The following SENP7 variants were observed in gnomAD, a reference collection of about 807,000 sequenced individuals.
SENP7 encodes the protein SUMO specific peptidase 7.
A neutral mutation model predicts 141.2 loss-of-function variants in SENP7; 64 were observed. The ratio of observed to expected loss-of-function variants is 0.45; its 90% CI spans 0.37 to 0.56. SENP7 has a LOEUF of 0.56. Ranked by LOEUF, SENP7 falls within the 20% of genes least tolerant of loss-of-function variation. The pLI, the probability that SENP7 is intolerant of heterozygous loss-of-function variation, is 0.00. For synonymous variants in SENP7, 382 were observed against 426.4 expected (o/e 0.90, Z 1.28); for missense variants, 1,025 against 1,212.2 (o/e 0.85, Z 2.29).
rs2058886563 is a variant in SENP7 at position 101,325,882 on chromosome 3, T to A, written c.*61A>T. Reference sequence around the variant, plus strand: ...TTCTCTGTGAGCTGGCTAACACAAATGCTGGTAAGAGGCTTTCCAGTAATC... The same window carrying A: ...TTCTCTGTGAGCTGGCTAACACAAAAGCTGGTAAGAGGCTTTCCAGTAATC... On this transcript the variant is annotated 3_prime_UTR_variant, in exon 24 of 24. Transcript: ENST00000394095. 6.8e-7 allele frequency: 1 copy of A among 1,475,002 alleles called. No individual in the cohort carries two copies. Among genetic ancestry groups the A allele is most frequent in the African/African-American group, 1.4e-5 (1 of 69,624 alleles). 91.4% of individuals were successfully genotyped at this position (1,475,002 alleles called of 1,614,324 possible). A position where few individuals can be genotyped will look rare whatever the true frequency, so the allele number is the denominator to read the frequency against.
intron 2 of SENP7, among the ~76,000 whole-genome samples, chr3:101,498,101 T>C (rs569819904): frequency 1.3e-5 from 2 of 152,252 alleles, no homozygotes; most frequent in African/African-American, 2.4e-5. Flanking sequence ...TGGCCCCTTA[T>C]AGAAGAATTT....
rs748121573 is a variant in SENP7 at position 101,367,853 on chromosome 3, A to G, written c.955T>C (p.Leu319=). Reference sequence around the variant, plus strand: ...ACTGTCTGTTCTGTTGACTTATCCAAAGAAGTACAATATTGAGAATCAGGT... The same window carrying G: ...ACTGTCTGTTCTGTTGACTTATCCAGAGAAGTACAATATTGAGAATCAGGT... ...NLPDSQYCTS[L]DKSTEQTKKQ... The change falls in exon 8 of 24, where the codon TTG becomes CTG. Residue 319 remains leucine (L), a synonymous_variant. Transcript: ENST00000394095. 1.2e-6 allele frequency: 2 copies of G among 1,603,480 alleles called. No homozygotes were observed. Among genetic ancestry groups the G allele is most frequent in the Non-Finnish European group, 1.7e-6 (2 of 1,171,746 alleles).
intron 1 of SENP7, among the ~76,000 whole-genome samples, chr3:101,508,578 G>GA (rs1208089891): frequency 2.0e-5 from 3 of 152,214 alleles, no homozygotes; most frequent in African/African-American, 7.2e-5. Context: ...CAGCCTGGGG[G>GA]GCAGAGTGAG....
At chr3:101,358,006 AC>A in intron 11 of SENP7, 1 of 618,692 alleles carries the variant, frequency 1.6e-6, no homozygotes, top group Non-Finnish European at 2.7e-6. Flanking sequence ...TTGGAGAGAA[AC>A]CATACAAGTG....
intron 4 of SENP7, among the ~76,000 whole-genome samples, chr3:101,434,912 T>A (rs950996950): frequency 6.6e-6 from 1 of 151,994 alleles, no homozygotes; most frequent in South Asian, 2.1e-4. Flanking sequence ...ACTTCCAAAC[T>A]CATTCTACAA....
rs2059219190 is a variant in SENP7, at chr3:101,337,587, C to T, written c.2402G>A (p.Ser801Asn). ...EKASDELVER[S>N]HIFSSFFYKC... ...ATAGAAAAAGCTACTAAAAATGTGA[C>T]TTCGTTCAACAAGTTCATCTGATGC... is the stretch of plus-strand genomic sequence containing the variant. Residue 801 changes from serine (S) to asparagine (N), a missense_variant, in exon 17 of 24, where the codon AGT becomes AAT. Transcript: ENST00000394095. 1 of 1,604,310 alleles carries T rather than the reference C, an allele frequency of 6.2e-7. No homozygotes were observed. Among genetic ancestry groups the T allele is most frequent in the African/African-American group, 1.3e-5 (1 of 74,500 alleles).
chr3:101,351,550 T>TA, intron 12 of SENP7, 68 bp downstream of exon 12: 2 of 1,177,768 alleles, frequency 1.7e-6, no homozygotes, highest in Non-Finnish European at 2.3e-6. Context: ...TTATTAAACT[T>TA]AGTTTTACTT....
chr3:101,424,439 C>T (rs1019630187), intron 4 of SENP7, among the ~76,000 whole-genome samples: 12 of 151,962 alleles, frequency 7.9e-5, no homozygotes, highest in African/African-American at 2.7e-4. Context: ...CAGTCCACCC[C>T]GCTCCCACAA....
chr3:101,513,190 G>C lies in SENP7; in HGVS notation c.-60C>G. 9 of 692,262 alleles carry C rather than the reference G, an allele frequency of 1.3e-5. No individual in the cohort carries two copies. The highest frequency in any genetic ancestry group is 2.2e-5 in the Non-Finnish European group (9 of 404,584). 42.9% of individuals were successfully genotyped at this position (692,262 alleles called of 1,614,324 possible). ...TGTCACCTCAGGACCCCTCCGGCTTGGAGAGGGAGGGGGAGGGGAAAGGAA... is the reference window on the plus strand; with the variant it reads ...TGTCACCTCAGGACCCCTCCGGCTTCGAGAGGGAGGGGGAGGGGAAAGGAA... On this transcript the variant is annotated 5_prime_UTR_variant, in exon 1 of 24. Transcript: ENST00000394095.
In SENP7 at chr3:101,341,642, A is replaced by G; in HGVS notation, c.2240+4T>C. 6.3e-7 allele frequency: 1 copy of G among 1,585,104 alleles called. No individual in the cohort carries two copies. The highest frequency in any genetic ancestry group is 8.6e-7 in the Non-Finnish European group (1 of 1,159,252). ...TACTACAAACATGCTATGACAGTAC[A>G]TACTTCTGAACAAGTCCAGTGTGCC... On this transcript the variant is annotated splice_donor_region_variant and intron_variant, in intron 15 of 23. Coordinates refer to ENST00000394095, the MANE Select transcript of SENP7 (RefSeq NM_020654.5).
rs2065932706 is a variant in SENP7 at position 101,513,071 on chromosome 3, CT to C, written c.40+19del. On this transcript the variant is annotated intron_variant, in intron 1 of 23. Transcript: ENST00000394095. ...CGGGTAGGAGACAATATGTTCAGCC[CT>C]TCTCTGACCCTTTCTCACCGGATGA... 1.2e-6 allele frequency: 2 copies of C among 1,613,152 alleles called. No individual in the cohort carries two copies. Among genetic ancestry groups the C allele is most frequent in the Admixed American group, 1.7e-5 (1 of 59,988 alleles).
intron 12 of SENP7, among the ~76,000 whole-genome samples, chr3:101,349,087 T>A (rs534041265): frequency 1.2e-4 from 19 of 152,128 alleles, no homozygotes; most frequent in Non-Finnish European, 2.6e-4. Context: ...CAGATCTCAG[T>A]TTAATAGCCC....
intron 6 of SENP7, among the ~76,000 whole-genome samples, chr3:101,396,786 G>A (rs2060979800): frequency 2.0e-5 from 3 of 152,148 alleles, no homozygotes; most frequent in African/African-American, 7.2e-5. Context: ...AGCAGAGGAG[G>A]TGGAAATAAA....
chr3:101,474,266 A>G (rs1281457723), intron 3 of SENP7, among the ~76,000 whole-genome samples: 1 of 152,236 alleles, frequency 6.6e-6, no homozygotes, highest in Non-Finnish European at 1.5e-5. Context: ...CATTAAATCT[A>G]TAAATTGCTT....
At chr3:101,403,579 G>C (rs2061214809) in intron 5 of SENP7, among the ~76,000 whole-genome samples, 1 of 152,146 alleles carries the variant, frequency 6.6e-6, no homozygotes, top group Non-Finnish European at 1.5e-5. Flanking sequence ...AGATAACTGA[G>C]ATTGCCAACA....
chr3:101,378,919 A>G (rs954901880), intron 6 of SENP7, among the ~76,000 whole-genome samples: 2 of 152,162 alleles, frequency 1.3e-5, no homozygotes, highest in Non-Finnish European at 2.9e-5. Flanking sequence ...TTCAGAGAAA[A>G]AAAACCTACC....
In SENP7 at chr3:101,327,738, A is replaced by G; in HGVS notation, c.2943T>C (p.Pro981=). The G allele has an allele frequency of 1.2e-6, 2 of 1,611,950 alleles. No individual in the cohort carries two copies. The highest frequency in any genetic ancestry group is 2.2e-5 in the South Asian group (2 of 90,886). Reference sequence around the variant, plus strand: ...TGCTATTGTCCTGTTTAGGAACTTTAGGGCATAGATCCACCATGTTTGTTT... The same window carrying G: ...TGCTATTGTCCTGTTTAGGAACTTTGGGGCATAGATCCACCATGTTTGTTT... The part of the protein sequence containing the change: ...FSKTNMVDLC[P]KVPKQDNSSD... Residue 981 remains proline, a synonymous_variant, in exon 23 of 24, where the codon CCT becomes CCC. Transcript: ENST00000394095.
chr3:101,418,357 C>T (rs1207648664), intron 4 of SENP7, among the ~76,000 whole-genome samples: 17 of 151,800 alleles, frequency 1.1e-4, no homozygotes, highest in Admixed American at 1.1e-3. Flanking sequence ...CAAGCAGTTC[C>T]AGCAACACTT....
chr3:101,427,279 A>G (rs1462244404), intron 4 of SENP7, among the ~76,000 whole-genome samples: 2 of 152,108 alleles, frequency 1.3e-5, no homozygotes. Context: ...GCCTGAGCTC[A>G]GGAGTTTGAG....
Sources: allele counts gnomAD v4.1 joint callset (sites outside exome capture counted in the v4.1 genomes callset), GRCh38; gene constraint gnomAD v4.1.1; transcripts MANE v1.5; gene names NCBI Gene and HGNC (gene_info 2026-07-23, HGNC 2026-07-21).